SH3D19: variants seen among roughly 807,000 people sequenced by gnomAD.
The protein encoded by SH3D19 is SH3 domain-containing protein 19.
In SH3D19, 58 loss-of-function variants were observed where a neutral mutation model predicts 112.1. That is an observed-to-expected ratio of 0.52 (90% confidence interval 0.42 to 0.64). SH3D19 has a LOEUF of 0.64. Ranked by LOEUF, SH3D19 falls within the 30% of genes least tolerant of loss-of-function variation. SH3D19 has a pLI of 0.00. For synonymous variants in SH3D19, 391 were observed against 448.5 expected (o/e 0.87, Z 1.62); for missense variants, 1,090 against 1,263.4 (o/e 0.86, Z 2.08).
chr4:151,257,882 C>T (rs1299055677), intron 1 of SH3D19, among the ~76,000 whole-genome samples: 1 of 152,094 alleles, frequency 6.6e-6, no homozygotes, highest in Non-Finnish European at 1.5e-5. Flanking sequence ...GTACTTCTAG[C>T]CTAGGTAAGA....
At chr4:151,235,379 T>C (rs1237649170) in intron 1 of SH3D19, among the ~76,000 whole-genome samples, 1 of 152,232 alleles carries the variant, frequency 6.6e-6, no homozygotes, top group Admixed American at 6.5e-5. Context: ...AGTGACCTAA[T>C]AACAGATTGC....
At chr4:151,190,611 G>T (rs1484853558) in intron 2 of SH3D19, among the ~76,000 whole-genome samples, 1 of 152,230 alleles carries the variant, frequency 6.6e-6, no homozygotes, top group Admixed American at 6.5e-5. Context: ...AGACTTGGCA[G>T]CTTCCATGTG....
chr4:151,184,096 C>G (rs539962816), intron 3 of SH3D19, among the ~76,000 whole-genome samples: 26 of 152,166 alleles, frequency 1.7e-4, no homozygotes, highest in Non-Finnish European at 3.1e-4. Flanking sequence ...CTAGATGTAT[C>G]CAATTAGGAT....
intron 2 of SH3D19, among the ~76,000 whole-genome samples, chr4:151,191,945 CT>C (rs774312602): frequency 0.21 from 5,831 of 28,076 alleles, 416 homozygotes; most frequent in African/African-American, 0.3. Context: ...ACACCCAGCC[CT>C]TTTTTTTTTT....
intron 8 of SH3D19, among the ~76,000 whole-genome samples, chr4:151,161,757 C>A (rs1479408593): frequency 3.4e-5 from 5 of 145,728 alleles, no homozygotes; most frequent in African/African-American, 5.0e-5. Context: ...CTGTTCAATT[C>A]ATACCTCTTT....
rs1326093951 is a variant in SH3D19, at chr4:151,325,359, G to T, written c.-7C>A. ...GCCGCCGGCCCTCAGCCATGGGCGA[G>T]GCGCGGGGCGCAGCCGCGGGATGGC... On this transcript the variant is annotated 5_prime_UTR_variant, in exon 1 of 20. Transcript: ENST00000604030. 5.8e-6 allele frequency: 7 copies of T among 1,202,238 alleles called. No individual in the cohort carries two copies. The highest frequency in any genetic ancestry group is 1.6e-5 in the African/African-American group (1 of 63,210). The allele number at this position is 1,202,238 out of a possible 1,614,324, so 74.5% of individuals were successfully genotyped here.
At chr4:151,203,706 C>G (rs182255606) in intron 2 of SH3D19, among the ~76,000 whole-genome samples, 159 of 152,282 alleles carry the variant, frequency 1.0e-3, no homozygotes, top group African/African-American at 3.8e-3. Flanking sequence ...AATTTTAACA[C>G]CAAGACTTTG....
intron 18 of SH3D19, 86 bp from the exon 19 acceptor site, chr4:151,127,801 G>A (rs558876499): frequency 8.2e-5 from 58 of 704,402 alleles, no homozygotes; most frequent in African/African-American, 6.5e-4. Flanking sequence ...AACGCTTATC[G>A]CTCTAAAAAC....
intron 1 of SH3D19, among the ~76,000 whole-genome samples, chr4:151,306,842 C>T (rs895364062): frequency 7.2e-5 from 11 of 152,176 alleles, no homozygotes; most frequent in Non-Finnish European, 1.3e-4. Flanking sequence ...ACTCATGAAA[C>T]GTCAGCAACA....
At position 151,222,664 on chromosome 4, in the gene SH3D19, T is replaced by TCG. The variant is rs1367074498; in HGVS notation, c.152+3382_152+3383insCG. 7.0e-3 allele frequency among the ~76,000 whole-genome samples: 891 copies of TCG among 128,040 alleles called. 7 individuals carry two copies. The highest frequency in any genetic ancestry group is 0.012 in the Non-Finnish European group (691 of 58,810). The allele number at this position is 128,040 out of a possible 152,430, so 84.0% of individuals were successfully genotyped here. ...TGTTAATATCTCTTTGGTCTCTCTC[T>TCG]CTCTTTTTTTTTTTTTTTTTTTTTT... On this transcript the variant is annotated intron_variant, in intron 2 of 19. Transcript: ENST00000604030.
At chr4:151,256,001 G>A (rs890626429) in intron 1 of SH3D19, among the ~76,000 whole-genome samples, 7 of 110,544 alleles carry the variant, frequency 6.3e-5, no homozygotes, top group South Asian at 2.9e-4. Context: ...GAGGGAGACC[G>A]TGGAAAGAGA....
chr4:151,134,664 C>T (rs2149743853), intron 15 of SH3D19, among the ~76,000 whole-genome samples: 1 of 152,326 alleles, frequency 6.6e-6, no homozygotes, highest in Non-Finnish European at 1.5e-5. Context: ...CATAGACTGT[C>T]TTTGCTGCTT....
intron 1 of SH3D19, among the ~76,000 whole-genome samples, chr4:151,264,459 A>C (rs529249757): frequency 1.6e-3 from 242 of 151,812 alleles, no homozygotes; most frequent in African/African-American, 5.7e-3. Context: ...ACAAAAAAAA[A>C]ACCCTAACAT....
intron 2 of SH3D19, among the ~76,000 whole-genome samples, chr4:151,189,395 G>A (rs1161466876): frequency 2.0e-5 from 3 of 152,122 alleles, no homozygotes; most frequent in Admixed American, 6.5e-5. Flanking sequence ...TTACAGGTGT[G>A]AGCCACCATG....
chr4:151,233,021 G>A (rs1769735607), intron 1 of SH3D19, among the ~76,000 whole-genome samples: 1 of 152,072 alleles, frequency 6.6e-6, no homozygotes, highest in Non-Finnish European at 1.5e-5. Flanking sequence ...CCTGAGCTCT[G>A]CCTACTGTCA....
intron 1 of SH3D19, among the ~76,000 whole-genome samples, chr4:151,266,929 C>T (rs1772832774): frequency 6.6e-6 from 1 of 152,074 alleles, no homozygotes; most frequent in Admixed American, 6.6e-5. Flanking sequence ...TAAAAACACA[C>T]AAAACTGAGG....
intron 7 of SH3D19, among the ~76,000 whole-genome samples, chr4:151,166,917 C>T (rs138162888): frequency 2.9e-4 from 44 of 152,304 alleles, no homozygotes; most frequent in African/African-American, 1.0e-3. Flanking sequence ...ACTCTCTCAC[C>T]AGTCACTTGC....
chr4:151,206,635 G>A (rs1765150824), intron 2 of SH3D19, among the ~76,000 whole-genome samples: 1 of 152,134 alleles, frequency 6.6e-6, no homozygotes, highest in Non-Finnish European at 1.5e-5. Flanking sequence ...CTAAATTACG[G>A]TATTGTTATC....
chr4:151,322,588 A>C (rs1199561366), intron 1 of SH3D19, among the ~76,000 whole-genome samples: 2 of 152,084 alleles, frequency 1.3e-5, no homozygotes, highest in African/African-American at 2.4e-5. Context: ...TGGGAAACAT[A>C]AATACATTTT....
Sources: allele counts gnomAD v4.1 joint callset (sites outside exome capture counted in the v4.1 genomes callset), GRCh38; gene constraint gnomAD v4.1.1; transcripts MANE v1.5; gene names NCBI Gene and HGNC (gene_info 2026-07-23, HGNC 2026-07-21).